Variants in SMAD7 observed in about 807,000 individuals in gnomAD.
SMAD7 encodes MAD (mothers against decapentaplegic, Drosophila) homolog 7.
Under a neutral mutation model 38.7 loss-of-function variants are expected in SMAD7, and 8 were observed. The observed-to-expected ratio is 0.21, with a 90% CI of 0.12 to 0.37. SMAD7 has a LOEUF of 0.37. SMAD7 is among the 10% of genes least tolerant of loss of function. The pLI, the probability that SMAD7 is intolerant of heterozygous loss-of-function variation, is 1.00. For synonymous variants in SMAD7, 327 were observed against 265.1 expected (o/e 1.23, Z -2.27); for missense variants, 477 against 577.9 (o/e 0.83, Z 1.79).
intron 2 of SMAD7, among the ~76,000 whole-genome samples, chr18:48,943,048 TTTTAA>T (rs1461434120): frequency 6.6e-6 from 1 of 152,230 alleles, no homozygotes; most frequent in Admixed American, 6.5e-5. Flanking sequence ...CTTTCCCCTT[TTTTAA>T]TTGAGGACTA....
chr18:48,946,081 T>C (rs886132676), intron 2 of SMAD7, among the ~76,000 whole-genome samples: 4 of 152,212 alleles, frequency 2.6e-5, no homozygotes, highest in Non-Finnish European at 5.9e-5. Flanking sequence ...TTGAGCCCTC[T>C]GTGTCTCCAA....
At chr18:48,943,962 G>A (rs1012263059) in intron 2 of SMAD7, among the ~76,000 whole-genome samples, 9 of 152,180 alleles carry the variant, frequency 5.9e-5, no homozygotes, top group Non-Finnish European at 8.8e-5. Flanking sequence ...GGAGGCAGGC[G>A]TGGGGGTGAG....
chr18:48,926,047 C>T (rs1279991123), intron 3 of SMAD7, among the ~76,000 whole-genome samples: 1 of 152,196 alleles, frequency 6.6e-6, no homozygotes, highest in Non-Finnish European at 1.5e-5. Flanking sequence ...CACCCAGACC[C>T]CTTCTTAAAT....
chr18:48,921,697 C>T lies in SMAD7; in HGVS notation c.956G>A (p.Cys319Tyr), dbSNP rs1266367599. Residue 319 changes from cysteine (C) to tyrosine (Y), a missense_variant, in exon 4 of 4, where the codon TGC becomes TAC. Physicochemically the swap from Cys to Tyr is radical, Grantham distance 194. Around this residue, in one of 2 missense-constraint regions of SMAD7, gnomAD observed 101 missense variants for 198.5 expected, o/e 0.51. Coordinates refer to ENST00000262158, the MANE Select transcript of SMAD7 (RefSeq NM_005904.4). This position sits in a 1 kb window ranked among gnomAD's most constrained non-coding sequence, Gnocchi z 6.4. ...LVQKVRSKIG[C>Y]GIQLTREVDG... ...CACCTCCCGCGTCAGCTGGATGCCG[C>T]AGCCGATTTTGCTCCGCACCTTCTG... 1 of 1,613,830 alleles carries T rather than the reference C, an allele frequency of 6.2e-7. No individual in the cohort carries two copies. Among genetic ancestry groups the T allele is most frequent in the African/African-American group, 1.3e-5 (1 of 75,070 alleles).
chr18:48,923,112 T>C (rs975824805), intron 3 of SMAD7, among the ~76,000 whole-genome samples: 1 of 151,816 alleles, frequency 6.6e-6, no homozygotes, highest in African/African-American at 2.4e-5. Flanking sequence ...AGACCGGAAG[T>C]CTTGTATTTG....
At chr18:48,937,083 TAA>T (rs1191578267) in intron 3 of SMAD7, among the ~76,000 whole-genome samples, 2 of 141,936 alleles carry the variant, frequency 1.4e-5, no homozygotes, top group South Asian at 2.2e-4. Flanking sequence ...CATCTCGAAT[TAA>T]AAAAAAAAAA....
chr18:48,945,955 A>G (rs2070190038), intron 2 of SMAD7, among the ~76,000 whole-genome samples: 1 of 152,108 alleles, frequency 6.6e-6, no homozygotes, highest in South Asian at 2.1e-4. Context: ...TCATGTGAAC[A>G]CTCTTTCAAA....
chr18:48,926,048 C>A (rs2069924574), intron 3 of SMAD7, among the ~76,000 whole-genome samples: 1 of 152,224 alleles, frequency 6.6e-6, no homozygotes, highest in Non-Finnish European at 1.5e-5. Flanking sequence ...ACCCAGACCC[C>A]TTCTTAAATT....
chr18:48,929,255 A>G (rs556591166), intron 3 of SMAD7, among the ~76,000 whole-genome samples: 1 of 152,218 alleles, frequency 6.6e-6, no homozygotes, highest in East Asian at 1.9e-4. Flanking sequence ...GGGTTCACAT[A>G]TTAGCAGGCA....
At chr18:48,937,284 G>T (rs889474142) in intron 3 of SMAD7, among the ~76,000 whole-genome samples, 3 of 150,552 alleles carry the variant, frequency 2.0e-5, no homozygotes, top group African/African-American at 7.3e-5. Context: ...GTGTGTGTGT[G>T]TGTGTGTGTG....
At chr18:48,945,995 C>G (rs995433679) in intron 2 of SMAD7, among the ~76,000 whole-genome samples, 42 of 152,176 alleles carry the variant, frequency 2.8e-4, no homozygotes, top group African/African-American at 9.4e-4. Context: ...CCACACAGTA[C>G]CTAGGTGTCT....
At position 48,921,381 on chromosome 18, in the gene SMAD7, G is replaced by A. The variant is rs776390568; in HGVS notation, c.1272C>T (p.Asn424=). The A allele has an allele frequency of 1.2e-6, 2 of 1,610,096 alleles. No homozygotes were observed. The highest frequency in any genetic ancestry group is 1.7e-6 in the Non-Finnish European group (2 of 1,176,734). Residue 424 remains asparagine (N), a synonymous_variant, in exon 4 of 4, where the codon AAC becomes AAT. Transcript: ENST00000262158. The surrounding 1 kb of genome is among the most constrained non-coding windows in gnomAD (Gnocchi z 6.4). Reference sequence around the variant, plus strand: ...TCCCCTCCGCACGCGGCTACCGGCTGTTGAAGATGACCTCTAGCCAGCACG... The same window carrying A: ...TCCCCTCCGCACGCGGCTACCGGCTATTGAAGATGACCTCTAGCCAGCACG... ...SCPCWLEVIF[N]SR
chr18:48,939,580 G>A (rs960220916), intron 3 of SMAD7, among the ~76,000 whole-genome samples: 2 of 148,804 alleles, frequency 1.3e-5, no homozygotes, highest in African/African-American at 5.0e-5. Context: ...CCACCTCCGA[G>A]GCACCACATT....
At position 48,921,913 on chromosome 18, in the gene SMAD7, A is replaced by G. The variant is rs773641233; in HGVS notation, c.743-3T>C. 2 of 1,595,312 alleles carry G rather than the reference A, an allele frequency of 1.3e-6. No individual in the cohort carries two copies. Among genetic ancestry groups the G allele is most frequent in the South Asian group, 1.1e-5 (1 of 89,678 alleles). On this transcript the variant is annotated splice_polypyrimidine_tract_variant and splice_region_variant and intron_variant, in intron 3 of 3. Transcript: ENST00000262158. This position sits in a 1 kb window ranked among gnomAD's most constrained non-coding sequence, Gnocchi z 6.4. ...AGGCTCCAGAAGAAGTTGGGAATCTAGAAAACACATTGGCAGAGAGGGTTA... is the reference window on the plus strand; with the variant it reads ...AGGCTCCAGAAGAAGTTGGGAATCTGGAAAACACATTGGCAGAGAGGGTTA...
At chr18:48,939,185 G>A (rs75502156) in intron 3 of SMAD7, among the ~76,000 whole-genome samples, 2,725 of 116,524 alleles carry the variant, frequency 0.023, 87 homozygotes, top group African/African-American at 0.083. Flanking sequence ...ACACACACAC[G>A]CATACACACA....
At chr18:48,923,525 G>A (rs545953283) in intron 3 of SMAD7, among the ~76,000 whole-genome samples, 23 of 152,228 alleles carry the variant, frequency 1.5e-4, no homozygotes, top group African/African-American at 5.5e-4. Flanking sequence ...GGAGGTGCCC[G>A]TCAGTAAGGC....
chr18:48,933,332 G>T, intron 3 of SMAD7, among the ~76,000 whole-genome samples: 1 of 152,114 alleles, frequency 6.6e-6, no homozygotes, highest in Admixed American at 6.5e-5. Context: ...CCAGGTAGAG[G>T]CAACTCCTAG....
intron 3 of SMAD7, among the ~76,000 whole-genome samples, chr18:48,934,652 T>C (rs964370544): frequency 6.6e-6 from 1 of 152,064 alleles, no homozygotes; most frequent in Non-Finnish European, 1.5e-5. Flanking sequence ...GCAGTTAACA[T>C]TTCAACTGAA....
At chr18:48,924,355 G>A (rs113517315) in intron 3 of SMAD7, among the ~76,000 whole-genome samples, 3 of 152,150 alleles carry the variant, frequency 2.0e-5, no homozygotes, top group Non-Finnish European at 4.4e-5. Flanking sequence ...ATGGACCTGA[G>A]ATCGAGGTGC....
Sources: gnomAD v4.1 joint callset for allele counts (sites outside exome capture counted in the v4.1 genomes callset) on GRCh38, gnomAD v4.1.1 for gene constraint, gnomAD v4.1.1 regional missense constraint, Gnocchi (gnomAD v3.1) non-coding constraint, MANE v1.5 for transcripts, NCBI Gene and HGNC (gene_info 2026-07-23, HGNC 2026-07-21) for gene names.